PPFIA2: variants seen among roughly 807,000 people sequenced by gnomAD.
PPFIA2 encodes PPFI scaffold protein A2, also known as liprin-alpha-2.
A neutral mutation model predicts 175.5 loss-of-function variants in PPFIA2; 46 were observed. The ratio of observed to expected loss-of-function variants is 0.26; its 90% confidence interval spans 0.21 to 0.34. The LOEUF is 0.34. Ranked by LOEUF, PPFIA2 falls within the 10% of genes least tolerant of loss-of-function variation. PPFIA2 has a pLI of 1.00. For missense variants in PPFIA2, 1,179 were observed against 1,506.1 expected (o/e 0.78, Z 3.60); for synonymous variants, 568 against 511.4 (o/e 1.11, Z -1.49).
At chr12:81,332,601 TTATTATTTATTCATTTATA>T (rs2056348678) in intron 21 of PPFIA2, among the ~76,000 whole-genome samples, 4 of 152,180 alleles carry the variant, frequency 2.6e-5, no homozygotes, top group African/African-American at 9.6e-5. Context: ...TTGCCTTGAG[TTATTATTTATTCATTTATA>T]TGGGATATCC....
chr12:81,730,060 G>A (rs1012468716), intron 3 of PPFIA2, among the ~76,000 whole-genome samples: 1 of 151,548 alleles, frequency 6.6e-6, no homozygotes, highest in Non-Finnish European at 1.5e-5. Context: ...CTGAACTTCT[G>A]ACCCACAGAA....
intron 4 of PPFIA2, among the ~76,000 whole-genome samples, chr12:81,466,550 T>TA (rs2055662586): frequency 1.3e-5 from 2 of 152,132 alleles, no homozygotes; most frequent in African/African-American, 4.8e-5. Flanking sequence ...CTATCTTATA[T>TA]CTTATTCCCA....
chr12:81,271,225 C>G (rs115406295), intron 28 of PPFIA2, among the ~76,000 whole-genome samples: 1 of 151,884 alleles, frequency 6.6e-6, no homozygotes, highest in African/African-American at 2.4e-5. Context: ...CTCTTTCTTG[C>G]CATTTATTGT....
intron 7 of PPFIA2, among the ~76,000 whole-genome samples, chr12:81,414,714 T>C (rs1360466431): frequency 6.6e-6 from 1 of 151,622 alleles, no homozygotes; most frequent in Non-Finnish European, 1.5e-5. Flanking sequence ...CTTATTCTAC[T>C]TCTAGCTGAA....
chr12:81,473,415 A>G (rs533694993), intron 4 of PPFIA2, among the ~76,000 whole-genome samples: 2 of 152,304 alleles, frequency 1.3e-5, no homozygotes, highest in Admixed American at 1.3e-4. Context: ...CCTCAAACAA[A>G]CAAACAAAAA....
intron 4 of PPFIA2, among the ~76,000 whole-genome samples, chr12:81,523,613 C>T (rs560792584): frequency 6.6e-6 from 1 of 152,212 alleles, no homozygotes; most frequent in Non-Finnish European, 1.5e-5. Context: ...ATAGAACCCT[C>T]TAATAAAATC....
At chr12:81,562,100 T>G (rs547365728) in intron 4 of PPFIA2, among the ~76,000 whole-genome samples, 5 of 152,210 alleles carry the variant, frequency 3.3e-5, no homozygotes, top group African/African-American at 1.2e-4. Context: ...CTTAAAAAGA[T>G]AGGCCTTTAT....
chr12:81,635,866 T>C (rs1567659093), intron 4 of PPFIA2, among the ~76,000 whole-genome samples: 1 of 152,048 alleles, frequency 6.6e-6, no homozygotes, highest in African/African-American at 2.4e-5. Context: ...AAGAAGAACA[T>C]GTGGAATAAG....
chr12:81,677,095 C>A (rs1360170229), intron 3 of PPFIA2, among the ~76,000 whole-genome samples: 1 of 151,858 alleles, frequency 6.6e-6, no homozygotes, highest in Non-Finnish European at 1.5e-5. Context: ...GCAGAAGTTT[C>A]ATCTTTGAAG....
At chr12:81,656,043 G>T (rs2067740816) in intron 4 of PPFIA2, among the ~76,000 whole-genome samples, 1 of 151,862 alleles carries the variant, frequency 6.6e-6, no homozygotes, top group South Asian at 2.1e-4. Context: ...AAAGACCATG[G>T]TTATTGACAT....
intron 4 of PPFIA2, among the ~76,000 whole-genome samples, chr12:81,482,393 T>C (rs1165157740): frequency 6.6e-6 from 1 of 152,230 alleles, no homozygotes; most frequent in African/African-American, 2.4e-5. Flanking sequence ...ACTGGGTATA[T>C]ACCCAAAGGA....
chr12:81,435,399 C>T (rs2048793060), intron 7 of PPFIA2, among the ~76,000 whole-genome samples: 1 of 152,126 alleles, frequency 6.6e-6, no homozygotes, highest in Non-Finnish European at 1.5e-5. Context: ...AGTATATAAA[C>T]TTTGAGCTAT....
intron 4 of PPFIA2, among the ~76,000 whole-genome samples, chr12:81,574,364 AT>A (rs2073120357): frequency 6.6e-6 from 1 of 151,908 alleles, no homozygotes; most frequent in Admixed American, 6.6e-5. Context: ...ATGAAACATT[AT>A]TGACATTCTC....
intron 4 of PPFIA2, among the ~76,000 whole-genome samples, chr12:81,564,513 G>A (rs773054469): frequency 1.8e-4 from 28 of 152,134 alleles, no homozygotes; most frequent in African/African-American, 4.8e-4. Context: ...TGAGGTTTCC[G>A]GAGTTGGCTG....
intron 8 of PPFIA2, among the ~76,000 whole-genome samples, chr12:81,385,054 T>C (rs1489191822): frequency 6.6e-6 from 1 of 151,978 alleles, no homozygotes; most frequent in African/African-American, 2.4e-5. Flanking sequence ...GAGACCTGAA[T>C]AAACATTTCT....
intron 3 of PPFIA2, among the ~76,000 whole-genome samples, chr12:81,730,973 A>T (rs867803902): frequency 5.3e-5 from 8 of 151,538 alleles, no homozygotes; most frequent in South Asian, 2.1e-4. Context: ...ATCCCTATTT[A>T]AAAAATGTAG....
At chr12:81,563,663 C>T (rs1035288509) in intron 4 of PPFIA2, among the ~76,000 whole-genome samples, 5 of 152,148 alleles carry the variant, frequency 3.3e-5, no homozygotes, top group East Asian at 1.9e-4. Flanking sequence ...AATCAACACA[C>T]GCTGTTAAAA....
chr12:81,726,075 G>A (rs1478678260), intron 3 of PPFIA2, among the ~76,000 whole-genome samples: 3 of 151,096 alleles, frequency 2.0e-5, no homozygotes, highest in Non-Finnish European at 1.5e-5. Context: ...AACCAGAAGA[G>A]AACTTCCACC....
chr12:81,275,050 C>T (rs1468777739), intron 28 of PPFIA2, among the ~76,000 whole-genome samples: 1 of 152,202 alleles, frequency 6.6e-6, no homozygotes, highest in Non-Finnish European at 1.5e-5. Context: ...GATAAAAATA[C>T]TTCAGAAAGG....
Sources: allele counts gnomAD v4.1 joint callset (sites outside exome capture counted in the v4.1 genomes callset), GRCh38; gene constraint gnomAD v4.1.1; transcripts MANE v1.5; gene names NCBI Gene and HGNC (gene_info 2026-07-23, HGNC 2026-07-21).